Variants in DOCK11 observed in about 807,000 individuals in gnomAD.
DOCK11 encodes the protein dedicator of cytokinesis protein 11.
Under a neutral mutation model 169.1 loss-of-function variants are expected in DOCK11, and 70 were observed. That is an observed-to-expected ratio of 0.41 (90% CI 0.34 to 0.51). DOCK11 has a LOEUF of 0.51. DOCK11 is among the 20% of genes least tolerant of loss of function. The pLI is 0.10. For missense variants in DOCK11, 1,166 were observed against 1,538.8 expected, an observed-to-expected ratio of 0.76 and a Z score of 4.05; for synonymous variants, 529 against 541.3, an observed-to-expected ratio of 0.98 and a Z score of 0.32.
Position 118,643,561 on chromosome X carries a change from T to C in DOCK11, c.4365T>C (p.His1455=), listed in dbSNP as rs974580111. 3 of 1,211,159 alleles carry C rather than the reference T, an allele frequency of 2.5e-6. No homozygotes were observed. Among genetic ancestry groups the C allele is most frequent in the Non-Finnish European group, 3.4e-6 (3 of 895,193 alleles). Reference sequence around the variant, plus strand: ...GACAATCTGAAGTGTCGCTGAAACATGTATTTGCCTCACTGAGAGCTTTCA... The same window carrying C: ...GACAATCTGAAGTGTCGCTGAAACACGTATTTGCCTCACTGAGAGCTTTCA... ...KNGQSEVSLK[H]VFASLRAFIS... is the part of the protein sequence containing the mutation. Residue 1455 remains histidine (H), a synonymous_variant, in exon 40 of 53, where the codon CAT becomes CAC. Coordinates refer to ENST00000276202, the MANE Select transcript of DOCK11 (RefSeq NM_144658.4).
chrX:118,557,225 T>C lies in DOCK11; in HGVS notation c.559-4158T>C, dbSNP rs928065754. The stretch of plus-strand genomic sequence containing the variant: ...AACAGATAGATGAATAACATATTTG[T>C]ATAGGGATCACTCCATGAAAAAGAC... On this transcript the variant is annotated intron_variant, in intron 6 of 52. Coordinates refer to ENST00000276202, the MANE Select transcript of DOCK11 (RefSeq NM_144658.4). Among the ~76,000 whole-genome samples, 3 of 111,265 alleles carry C rather than the reference T, an allele frequency of 2.7e-5. No homozygotes were observed. In the Admixed American group the frequency reaches 2.9e-4, roughly 11 times the overall value.
At position 118,495,844 on chromosome X, in the gene DOCK11, A is replaced by C. The variant is rs2057531525; in HGVS notation, c.-128A>C. The C allele has an allele frequency of 9.1e-6, 2 of 218,670 alleles. No individual in the cohort carries two copies. The highest frequency in any genetic ancestry group is 3.1e-5 in the African/African-American group (1 of 32,548). 18.0% of individuals were successfully genotyped at this position (218,670 alleles called of 1,213,427 possible). A position where few individuals can be genotyped will look rare whatever the true frequency, so the allele number is the denominator to read the frequency against. ...TGAGCCGCGCCGCCGCCGAGCTGCG[A>C]TGTGGCCGGCCGGCCGGCGAGTAAA... On this transcript the variant is annotated 5_prime_UTR_variant, in exon 1 of 53. The change abolishes an upstream ATG in the 5' untranslated region. Transcript: ENST00000276202.
In DOCK11 at chrX:118,544,645, C is replaced by CTTTTTTTTTTTTTTTTTTTTTTT. The variant is rs1157804079; in HGVS notation, c.393-668_393-646dup. Reference sequence around the variant, plus strand: ...TGCAAGAGCCAGAATTACACTGTTGCTTTTTTTTTTTTTTTTTTTTTTTTT... The same window carrying CTTTTTTTTTTTTTTTTTTTTTTT: ...TGCAAGAGCCAGAATTACACTGTTGCTTTTTTTTTTTTTTTTTTTTTTTTTTTTTTTTTTTTTTTTTTTTTTTT... On this transcript the variant is annotated intron_variant, in intron 4 of 52. Transcript: ENST00000276202. 4.3e-4 allele frequency among the ~76,000 whole-genome samples: 10 copies of CTTTTTTTTTTTTTTTTTTTTTTT among 23,363 alleles called. 2 individuals carry two copies. Among genetic ancestry groups the CTTTTTTTTTTTTTTTTTTTTTTT allele is most frequent in the African/African-American group, 7.2e-4 (4 of 5,543 alleles). 20.3% of individuals were successfully genotyped at this position (23,363 alleles called of 115,157 possible). A position where few individuals can be genotyped will look rare whatever the true frequency, so the allele number is the denominator to read the frequency against.
chrX:118,515,923 G>A (rs1358624196), intron 1 of DOCK11, among the ~76,000 whole-genome samples: 6 of 91,390 alleles, frequency 6.6e-5, no homozygotes, highest in African/African-American at 2.5e-4. Context: ...AACATCAATT[G>A]GCCTTGCAAA....
At chrX:118,607,081 TTTTCCC>T (rs1369222487) in intron 24 of DOCK11, among the ~76,000 whole-genome samples, 1 of 106,006 alleles carries the variant, frequency 9.4e-6, no homozygotes, top group East Asian at 3.0e-4. Flanking sequence ...TTTCCTTTCC[TTTTCCC>T]TTTCCCTTTT....
intron 16 of DOCK11, among the ~76,000 whole-genome samples, chrX:118,586,499 C>T (rs1037403880): frequency 2.7e-5 from 3 of 111,275 alleles, no homozygotes; most frequent in African/African-American, 9.8e-5. Context: ...GGAAACCGCC[C>T]CATGATACAT....
At chrX:118,637,707 C>T (rs1039492939) in intron 36 of DOCK11, among the ~76,000 whole-genome samples, 2 of 111,468 alleles carry the variant, frequency 1.8e-5, no homozygotes, top group Non-Finnish European at 1.9e-5. Context: ...TGCAGTGAGC[C>T]GCGCATGATC....
intron 48 of DOCK11, among the ~76,000 whole-genome samples, chrX:118,677,127 A>G (rs1045588106): frequency 3.6e-5 from 4 of 112,421 alleles, no homozygotes; most frequent in African/African-American, 1.3e-4. Flanking sequence ...TAAAGGTTAG[A>G]TATTATTGTA....
In DOCK11 at chrX:118,662,782, A is replaced by C; in HGVS notation, c.5066A>C (p.His1689Pro). Reference sequence around the variant, plus strand: ...GAAGATGCTGGGATGATGGATGTCCATTATAGTGAAGTAAGGATTCCAGGG... The same window carrying C: ...GAAGATGCTGGGATGATGGATGTCCCTTATAGTGAAGTAAGGATTCCAGGG... ...MKEDAGMMDV[H>P]YSEEVLLELL... Residue 1689 changes from histidine to proline, a missense_variant, in exon 45 of 53, where the codon CAT becomes CCT. His to Pro is a moderately conservative substitution (Grantham distance 77). Transcript: ENST00000276202. 1 of 1,146,667 alleles carries C rather than the reference A, an allele frequency of 8.7e-7. No individual in the cohort carries two copies. 94.5% of individuals were successfully genotyped at this position (1,146,667 alleles called of 1,213,427 possible).
intron 44 of DOCK11, among the ~76,000 whole-genome samples, chrX:118,656,587 G>C (rs1346519937): frequency 2.7e-5 from 3 of 111,976 alleles, no homozygotes; most frequent in African/African-American, 9.7e-5. Context: ...CAAATAAACT[G>C]ACAAGATATG....
chrX:118,646,068 A>C lies in DOCK11; in HGVS notation c.4398+2474A>C, dbSNP rs1268576288. Among the ~76,000 whole-genome samples the C allele has an allele frequency of 5.6e-5, 6 of 106,750 alleles. 1 individual carries two copies. Among genetic ancestry groups the C allele is most frequent in the Admixed American group, 2.0e-4 (2 of 9,842 alleles). The allele number at this position is 106,750 out of a possible 115,157, so 92.7% of individuals were successfully genotyped here. ...GAGACTTCGTCAAAAAAAAAAAAAAAAAAAAAAACACAACAACAACAACAA... is the reference window on the plus strand; with the variant it reads ...GAGACTTCGTCAAAAAAAAAAAAAACAAAAAAAACACAACAACAACAACAA... On this transcript the variant is annotated intron_variant, in intron 40 of 52. Transcript: ENST00000276202.
At chrX:118,565,078 G>A (rs1032446826) in intron 7 of DOCK11, among the ~76,000 whole-genome samples, 9 of 105,955 alleles carry the variant, frequency 8.5e-5, no homozygotes, top group Non-Finnish European at 1.4e-4. Flanking sequence ...TGGGACTACA[G>A]CCATGCGCCA....
chrX:118,609,144 T>A, intron 26 of DOCK11, 134 bp from the exon 27 acceptor site: 1 of 460,837 alleles, frequency 2.2e-6, no homozygotes, highest in Non-Finnish European at 3.7e-6. Flanking sequence ...AGATATTCTG[T>A]GACTTTGATA....
intron 35 of DOCK11, among the ~76,000 whole-genome samples, 155 bp downstream of exon 35, chrX:118,630,645 A>G (rs1022245423): frequency 8.9e-6 from 1 of 112,386 alleles, no homozygotes; most frequent in Non-Finnish European, 1.9e-5. Context: ...TGTTTCTTAA[A>G]TTGAACTTCA....
At chrX:118,553,529 G>A (rs1299279158) in intron 6 of DOCK11, among the ~76,000 whole-genome samples, 1 of 111,273 alleles carries the variant, frequency 9.0e-6, no homozygotes, top group East Asian at 2.8e-4. Context: ...AGTTCAACTG[G>A]TTGATGTATG....
At chrX:118,547,745 A>G (rs902977244) in intron 6 of DOCK11, among the ~76,000 whole-genome samples, 3 of 112,824 alleles carry the variant, frequency 2.7e-5, no homozygotes, top group African/African-American at 9.6e-5. Context: ...CACTAGCTGA[A>G]TGAGACTCAA....
Position 118,618,599 on chromosome X carries a change from CT to C in DOCK11, c.3344del (p.Leu1115TrpfsTer6). On this transcript the variant is annotated frameshift_variant, in exon 31 of 53. Coordinates refer to ENST00000276202, the MANE Select transcript of DOCK11 (RefSeq NM_144658.4). LOFTEE classifies it high-confidence loss of function. Reference sequence around the variant, plus strand: ...CAGATGAGTATTGCAAGCATCACTTCTTGGTTGGTCTACTTCTGAGGGAAAC... The same window carrying C: ...CAGATGAGTATTGCAAGCATCACTTCTGGTTGGTCTACTTCTGAGGGAAAC... ...LSDEYCKHHFLVGLLLRETSI... is the reference protein window; with the variant it reads ...LSDEYCKHHFXVGLLLRETSI... The C allele has an allele frequency of 8.3e-7, 1 of 1,208,847 alleles. No homozygotes were observed. Among genetic ancestry groups the C allele is most frequent in the Non-Finnish European group, 1.1e-6 (1 of 894,061 alleles).
intron 6 of DOCK11, 146 bp from the exon 7 acceptor site, chrX:118,561,237 G>C (rs5909545): frequency 0.36 from 159,037 of 445,980 alleles, 22,004 homozygotes; most frequent in East Asian, 0.52. Flanking sequence ...TGAAGATAAT[G>C]ATAATTCCTA....
intron 35 of DOCK11, chrX:118,633,257 G>C (rs2015299598): frequency 8.9e-6 from 1 of 111,863 alleles, no homozygotes; most frequent in South Asian, 3.7e-4. Flanking sequence ...AGAGTCTAAA[G>C]GCAAGACATT....
Sources: gnomAD v4.1 joint callset for allele counts (sites outside exome capture counted in the v4.1 genomes callset) on GRCh38, gnomAD v4.1.1 for gene constraint, MANE v1.5 for transcripts, NCBI Gene and HGNC (gene_info 2026-07-23, HGNC 2026-07-21) for gene names.